BRF1: variants seen among roughly 807,000 people sequenced by gnomAD.
BRF1 encodes the protein BRF1 general transcription factor IIIB subunit, also known as transcription factor IIIB 90 kDa subunit.
BRF1 carries 59 observed loss-of-function variants against 81.7 expected under a neutral mutation model. The ratio of observed to expected loss-of-function variants is 0.72; its 90% CI spans 0.59 to 0.90. The LOEUF is 0.90. Ranked by LOEUF, BRF1 falls within the 40% of genes least tolerant of loss-of-function variation. The pLI, the probability that BRF1 is intolerant of heterozygous loss-of-function variation, is 0.00. For missense variants in BRF1, 1,050 were observed against 936.3 expected, an observed-to-expected ratio of 1.12 and a Z score of -1.58; for synonymous variants, 491 against 395.6, an observed-to-expected ratio of 1.24 and a Z score of -2.86.
chr14:105,251,326 C>G (rs587637217), intron 5 of BRF1, among the ~76,000 whole-genome samples: 1 of 152,322 alleles, frequency 6.6e-6, no homozygotes, highest in African/African-American at 2.4e-5. Flanking sequence ...TAATGCATCA[C>G]TAGCACCTCA....
chr14:105,304,706 C>T (rs966177490), upstream of BRF1, among the ~76,000 whole-genome samples: 1 of 152,160 alleles, frequency 6.6e-6, no homozygotes, highest in African/African-American at 2.4e-5. Flanking sequence ...GTTTATTGGA[C>T]CTGTAGTTCC....
intron 1 of BRF1, among the ~76,000 whole-genome samples, chr14:105,297,572 A>G (rs2057796272): frequency 6.6e-6 from 1 of 151,566 alleles, no homozygotes; most frequent in Non-Finnish European, 1.5e-5. Flanking sequence ...TCTGTCTCAA[A>G]AAAAGAGAAA....
chr14:105,261,627 T>G (rs1032552487), intron 3 of BRF1, among the ~76,000 whole-genome samples: 1 of 152,144 alleles, frequency 6.6e-6, no homozygotes, highest in Non-Finnish European at 1.5e-5. Context: ...AAACAAGAAA[T>G]TTCTCTCAAC....
chr14:105,216,442 G>C (rs1891320431), intron 15 of BRF1, among the ~76,000 whole-genome samples: 1 of 152,180 alleles, frequency 6.6e-6, no homozygotes, highest in South Asian at 2.1e-4. Flanking sequence ...CAGGAGCTGT[G>C]CTAGGAATGC....
At chr14:105,308,072 A>C (rs1277111009) in intron 1 of BRF1, among the ~76,000 whole-genome samples, 1 of 152,158 alleles carries the variant, frequency 6.6e-6, no homozygotes, top group Non-Finnish European at 1.5e-5. Context: ...TAGTTCAGCT[A>C]CTTGGGAGGC....
Position 105,307,052 on chromosome 14 carries a change from C to CT in BRF1, c.-162+8269dup, listed in dbSNP as rs1452872732. 3.2e-3 allele frequency among the ~76,000 whole-genome samples: 474 copies of CT among 147,564 alleles called. 3 individuals are homozygous for CT. Among genetic ancestry groups the CT allele is most frequent in the South Asian group, 2.8e-3 (13 of 4,614 alleles). ...TATTTACTTTATTTTTTCTTTTTTT[C>CT]TTTTTTTTTTGAGGCAGGGTCTCAC... On this transcript the variant is annotated intron_variant, in intron 1 of 17. Coordinates refer to the BRF1 transcript ENST00000327359.
chr14:105,213,633 TCCC>T (rs1254685142), intron 15 of BRF1, among the ~76,000 whole-genome samples: 1 of 151,810 alleles, frequency 6.6e-6, no homozygotes, highest in Non-Finnish European at 1.5e-5. Context: ...ACACCCTCCC[TCCC>T]CCACCTGGCA....
intron 5 of BRF1, chr14:105,248,599 C>T: frequency 1.0e-6 from 1 of 962,174 alleles, no homozygotes; most frequent in Non-Finnish European, 1.2e-6. Flanking sequence ...GACGGCGCCC[C>T]CCGCGGCCGG....
intron 2 of BRF1, among the ~76,000 whole-genome samples, chr14:105,278,211 G>A (rs587695346): frequency 7.6e-4 from 116 of 152,210 alleles, no homozygotes; most frequent in African/African-American, 2.0e-3. Flanking sequence ...CCAGCACTTC[G>A]GGAGGCTGAA....
intron 1 of BRF1, among the ~76,000 whole-genome samples, chr14:105,311,093 C>T (rs1057070779): frequency 2.0e-5 from 3 of 152,088 alleles, no homozygotes; most frequent in Admixed American, 6.6e-5. Context: ...GCTGGGATTA[C>T]AGGCGCGCAC....
At position 105,300,019 on chromosome 14, in the gene BRF1, G is replaced by A. The variant is rs149224635; in HGVS notation, c.184+427C>T. Among the ~76,000 whole-genome samples the A allele has an allele frequency of 3.7e-3, 566 of 152,274 alleles. 2 individuals carry two copies. The highest frequency in any genetic ancestry group is 0.013 in the African/African-American group (528 of 41,554). On this transcript the variant is annotated intron_variant, in intron 1 of 17. Transcript: ENST00000547530. Reference sequence around the variant, plus strand: ...TGCCCATCACTGAAACGTCCCCTCCGAGGCCTGCAGCAGCCTGAGTGGCCC... The same window carrying A: ...TGCCCATCACTGAAACGTCCCCTCCAAGGCCTGCAGCAGCCTGAGTGGCCC...
intron 1 of BRF1, among the ~76,000 whole-genome samples, chr14:105,288,853 G>A (rs1269248763): frequency 6.6e-6 from 1 of 151,510 alleles, no homozygotes; most frequent in Non-Finnish European, 1.5e-5. Flanking sequence ...CAGGATGGGG[G>A]GAGACCCATT....
chr14:105,249,286 C>T (rs1409939051), intron 5 of BRF1: 8 of 1,561,904 alleles, frequency 5.1e-6, no homozygotes, highest in Non-Finnish European at 6.1e-6. Flanking sequence ...CGTGCCCCGT[C>T]CGCCCCGTCC....
At chr14:105,279,341 G>C (rs981079303) in intron 2 of BRF1, among the ~76,000 whole-genome samples, 33 of 152,112 alleles carry the variant, frequency 2.2e-4, no homozygotes, top group Non-Finnish European at 1.5e-5. Flanking sequence ...AATATATAAA[G>C]AACTCTACAA....
rs587733837 is a variant in BRF1 at position 105,217,459 on chromosome 14, C to T, written c.1772+85G>A. 4.5e-4 allele frequency: 704 copies of T among 1,555,780 alleles called. 7 individuals carry two copies. In the South Asian group the frequency reaches 7.8e-3, roughly 17 times the overall value. On this transcript the variant is annotated intron_variant, in intron 15 of 17. Coordinates refer to ENST00000547530, the MANE Select transcript of BRF1 (RefSeq NM_001519.4). ...GGCACTTCTGTGGCCCCGGCTGGCCCCCGGCAGCTCCAGGACCCGAAGCCA... is the reference window on the plus strand; with the variant it reads ...GGCACTTCTGTGGCCCCGGCTGGCCTCCGGCAGCTCCAGGACCCGAAGCCA...
At chr14:105,254,993 C>G (rs948522602) in intron 4 of BRF1, among the ~76,000 whole-genome samples, 6 of 152,266 alleles carry the variant, frequency 3.9e-5, no homozygotes, top group Admixed American at 1.3e-4. Context: ...GCTGCCCCCC[C>G]CATCTCTCTT....
At chr14:105,247,784 T>C (rs1239677092) in intron 5 of BRF1, 15 of 985,426 alleles carry the variant, frequency 1.5e-5, no homozygotes, top group Non-Finnish European at 1.4e-5. Context: ...TGGAGCTTCG[T>C]CTGCACGCGA....
intron 1 of BRF1, among the ~76,000 whole-genome samples, chr14:105,288,082 T>C (rs1240467516): frequency 1.3e-5 from 2 of 152,200 alleles, no homozygotes; most frequent in African/African-American, 4.8e-5. Flanking sequence ...GGAGACTACC[T>C]AGGTTGTCAC....
At chr14:105,254,379 C>T (rs1031669520) in intron 4 of BRF1, among the ~76,000 whole-genome samples, 1 of 152,114 alleles carries the variant, frequency 6.6e-6, no homozygotes, top group Non-Finnish European at 1.5e-5. Flanking sequence ...GCCTCAGCCT[C>T]CTGAGTAGTC....
Sources: allele counts gnomAD v4.1 joint callset (sites outside exome capture counted in the v4.1 genomes callset), GRCh38; gene constraint gnomAD v4.1.1; transcripts MANE v1.5; gene names NCBI Gene and HGNC (gene_info 2026-07-23, HGNC 2026-07-21).